INSR: variants seen among roughly 807,000 people sequenced by gnomAD.
INSR encodes IR.
In INSR, 67 loss-of-function variants were observed where a neutral mutation model predicts 142.6. The ratio of observed to expected loss-of-function variants is 0.47; its 90% confidence interval spans 0.39 to 0.58. The LOEUF (loss-of-function observed/expected upper bound fraction) is 0.58. INSR is among the 20% of genes least tolerant of loss of function. INSR has a pLI of 0.00. For synonymous variants in INSR, 756 were observed against 743.1 expected, an observed-to-expected ratio of 1.02 and a Z score of -0.28; for missense variants, 1,248 against 1,833.2, an observed-to-expected ratio of 0.68 and a Z score of 5.83.
intron 2 of INSR, among the ~76,000 whole-genome samples, chr19:7,197,124 C>T (rs1974770275): frequency 6.6e-6 from 1 of 152,202 alleles, no homozygotes; most frequent in Admixed American, 6.5e-5. Flanking sequence ...CAGCGACGAC[C>T]GCAGGAGCGC....
At chr19:7,130,969 C>T (rs939102975) in intron 14 of INSR, among the ~76,000 whole-genome samples, 3 of 146,900 alleles carry the variant, frequency 2.0e-5, no homozygotes, top group African/African-American at 7.9e-5. Flanking sequence ...ACCTCCGCCT[C>T]CCGGGTTCAA....
rs7260633 is a variant in INSR at position 7,241,532 on chromosome 19, G to A, written c.652+25813C>T. 8.5e-3 allele frequency among the ~76,000 whole-genome samples: 1,291 copies of A among 152,146 alleles called. 26 individuals carry two copies. Among genetic ancestry groups the A allele is most frequent in the African/African-American group, 0.029 (1,214 of 41,524 alleles). Reference sequence around the variant, plus strand: ...AGCTACTTGGGAGGCTGAGGCAGGAGAATCACTTGAACCCGGGAGGCAGAG... The same window carrying A: ...AGCTACTTGGGAGGCTGAGGCAGGAAAATCACTTGAACCCGGGAGGCAGAG... On this transcript the variant is annotated intron_variant, in intron 2 of 21. Transcript: ENST00000302850.
chr19:7,268,525 C>T (rs1471661534), intron 1 of INSR: 7 of 985,338 alleles, frequency 7.1e-6, no homozygotes, highest in Non-Finnish European at 7.2e-6. Context: ...CATGGCTCCC[C>T]ATCATCCTGC....
chr19:7,257,559 A>C (rs1600101096), intron 2 of INSR, among the ~76,000 whole-genome samples: 1 of 150,410 alleles, frequency 6.6e-6, no homozygotes, highest in East Asian at 2.0e-4. Flanking sequence ...TAATCATCTG[A>C]GTGAAAAATG....
Position 7,132,998 on chromosome 19 carries a change from G to A in INSR, c.2683-681C>T, listed in dbSNP as rs1032398009. Reference sequence around the variant, plus strand: ...TATTATAGGTCAGGCACAGTGGCTCGTGCCTGTAATCCCAGCCCTATGGGA... The same window carrying A: ...TATTATAGGTCAGGCACAGTGGCTCATGCCTGTAATCCCAGCCCTATGGGA... On this transcript the variant is annotated intron_variant, in intron 13 of 21. Coordinates refer to ENST00000302850, the MANE Select transcript of INSR (RefSeq NM_000208.4). 7.3e-5 allele frequency among the ~76,000 whole-genome samples: 11 copies of A among 151,444 alleles called. No individual in the cohort carries two copies. In the East Asian group the frequency reaches 1.7e-3, roughly 24 times the overall value.
intron 9 of INSR, among the ~76,000 whole-genome samples, chr19:7,156,164 G>C (rs1973587728): frequency 7.0e-6 from 1 of 143,546 alleles, no homozygotes; most frequent in Non-Finnish European, 1.5e-5. Context: ...GGATTCAAGT[G>C]AGTCTCCTGC....
chr19:7,201,532 G>A (rs1974952621), intron 2 of INSR, among the ~76,000 whole-genome samples: 1 of 151,648 alleles, frequency 6.6e-6, no homozygotes, highest in African/African-American at 2.4e-5. Context: ...GGCTGAGGCA[G>A]GAGAATCGCT....
Position 7,132,257 on chromosome 19 carries a change from C to T in INSR, c.2743G>A (p.Gly915Arg). The T allele has an allele frequency of 6.2e-7, 1 of 1,614,196 alleles. No homozygotes were observed. The change falls in exon 14 of 22, where the codon GGG (glycine) becomes AGG (arginine). Residue 915 changes from glycine (G) to arginine (R), a missense_variant. Around this residue, in one of 3 missense-constraint regions of INSR, gnomAD observed 1,069 missense variants for 1,654.0 expected, o/e 0.65. Transcript: ENST00000302850. ...ACGCTGTAGTTCCCCGGTGACAGCCCACGCAGCCTGCAGCCCCGTTCCAGA... is the reference window on the plus strand; with the variant it reads ...ACGCTGTAGTTCCCCGGTGACAGCCTACGCAGCCTGCAGCCCCGTTCCAGA... ...FALERGCRLR[G>R]LSPGNYSVRI...
Position 7,133,729 on chromosome 19 carries a change from G to A in INSR, c.2683-1412C>T, listed in dbSNP as rs145135865. ...AATACAAAAATTAGCTGGGCATGGC[G>A]GCACACGCCTGTAATCCCAGCTACT... On this transcript the variant is annotated intron_variant, in intron 13 of 21. Coordinates refer to ENST00000302850, the MANE Select transcript of INSR (RefSeq NM_000208.4). Among the ~76,000 whole-genome samples the A allele has an allele frequency of 3.3e-3, 496 of 152,294 alleles. 1 individual carries two copies. The highest frequency in any genetic ancestry group is 0.011 in the African/African-American group (472 of 41,544).
chr19:7,145,876 G>A (rs1317810487), intron 11 of INSR, among the ~76,000 whole-genome samples: 1 of 152,158 alleles, frequency 6.6e-6, no homozygotes, highest in African/African-American at 2.4e-5. Context: ...TCCTTGTTTT[G>A]TTCCTAACTC....
intron 1 of INSR, among the ~76,000 whole-genome samples, chr19:7,283,901 AC>A (rs1968273452): frequency 6.6e-6 from 1 of 152,174 alleles, no homozygotes; most frequent in Admixed American, 6.6e-5. Flanking sequence ...ATGGATCAAT[AC>A]CTAGCCTTGT....
rs145884847 is a variant in INSR at position 7,267,736 on chromosome 19, G to A, written c.261C>T (p.Tyr87=). ...SFPKLIMITD[Y]LLLFRVYGLE... ...GCCCATAGACCCGGAAGAGCAGCAA[G>A]TAATCAGTGATCATGATGAGTTTGG... Residue 87 remains tyrosine, a synonymous_variant, in exon 2 of 22, where the codon TAC becomes TAT. Transcript: ENST00000302850. This position sits in a 1 kb window ranked among gnomAD's most constrained non-coding sequence, Gnocchi z 6.3. 1.9e-5 allele frequency: 31 copies of A among 1,614,176 alleles called. No homozygotes were observed. Among genetic ancestry groups the A allele is most frequent in the Non-Finnish European group, 2.6e-5 (31 of 1,180,026 alleles).
At chr19:7,127,985 G>A (rs994856893) in intron 15 of INSR, among the ~76,000 whole-genome samples, 26 of 151,508 alleles carry the variant, frequency 1.7e-4, no homozygotes, top group East Asian at 9.8e-4. Context: ...CTCATGATCC[G>A]CCCGCCTCGG....
intron 21 of INSR, among the ~76,000 whole-genome samples, chr19:7,118,121 G>A (rs1275956666): frequency 2.0e-5 from 3 of 151,014 alleles, no homozygotes; most frequent in Non-Finnish European, 4.4e-5. Flanking sequence ...TGGCTCAAGA[G>A]TAATCCCAGC....
chr19:7,141,786 G>C lies in INSR; in HGVS notation c.2573C>G (p.Thr858Arg). The C allele has an allele frequency of 6.2e-7, 1 of 1,614,124 alleles. No homozygotes were observed. The highest frequency in any genetic ancestry group is 8.5e-7 in the Non-Finnish European group (1 of 1,180,006). The stretch of plus-strand genomic sequence containing the variant: ...GACGTTGTTCTCAAAGATTTCATGC[G>C]TCACAGGGCCAACAATGTCATCAGC... Reference protein sequence around the residue: ...AKADDIVGPVTHEIFENNVVH... With the variant: ...AKADDIVGPVRHEIFENNVVH... The change falls in exon 13 of 22, where the codon ACG becomes AGG. Residue 858 changes from threonine to arginine, a missense_variant. Thr to Arg is a moderately conservative substitution (Grantham distance 71, BLOSUM62 -1). Coordinates refer to ENST00000302850, the MANE Select transcript of INSR (RefSeq NM_000208.4).
chr19:7,273,505 TTC>T (rs944041864), intron 1 of INSR, among the ~76,000 whole-genome samples: 2 of 150,756 alleles, frequency 1.3e-5, no homozygotes, highest in Non-Finnish European at 3.0e-5. Context: ...AGCTAATATT[TTC>T]TTTTTTCTTT....
At chr19:7,278,818 AC>A (rs2145232509) in intron 1 of INSR, among the ~76,000 whole-genome samples, 1 of 152,180 alleles carries the variant, frequency 6.6e-6, no homozygotes, top group South Asian at 2.1e-4. Flanking sequence ...ACAAAGTGAA[AC>A]CCCATGTCTA....
intron 4 of INSR, among the ~76,000 whole-genome samples, chr19:7,174,320 T>G (rs554659071): frequency 6.6e-6 from 1 of 151,686 alleles, no homozygotes; most frequent in South Asian, 2.1e-4. Context: ...TAAAAATAAA[T>G]GTAAATGCAG....
intron 1 of INSR, among the ~76,000 whole-genome samples, chr19:7,272,511 C>T (rs761022701): frequency 1.3e-5 from 2 of 151,436 alleles, no homozygotes; most frequent in Non-Finnish European, 2.9e-5. Flanking sequence ...CCAGCTGCTA[C>T]GGAGGCTGAG....
Sources: gnomAD v4.1 joint callset for allele counts (sites outside exome capture counted in the v4.1 genomes callset) on GRCh38, gnomAD v4.1.1 for gene constraint, gnomAD v4.1.1 regional missense constraint, Gnocchi (gnomAD v3.1) non-coding constraint, MANE v1.5 for transcripts, NCBI Gene and HGNC (gene_info 2026-07-23, HGNC 2026-07-21) for gene names.